LRRC4C: variants seen among roughly 807,000 people sequenced by gnomAD.
The protein encoded by LRRC4C is leucine-rich repeat-containing protein 4C.
In LRRC4C, 5 loss-of-function variants were observed where a neutral mutation model predicts 33.6. The ratio of observed to expected loss-of-function variants is 0.15; its 90% CI spans 0.08 to 0.31. LRRC4C has a LOEUF of 0.31. LRRC4C is among the 10% of genes least tolerant of loss of function. LRRC4C has a pLI of 1.00. For missense variants in LRRC4C, 560 were observed against 796.7 expected, an observed-to-expected ratio of 0.70 and a Z score of 3.58; for synonymous variants, 329 against 302.0, an observed-to-expected ratio of 1.09 and a Z score of -0.93.
At chr11:41,316,589 A>G (rs1283746846) in intron 1 of LRRC4C, among the ~76,000 whole-genome samples, 1 of 152,184 alleles carries the variant, frequency 6.6e-6, no homozygotes, top group Non-Finnish European at 1.5e-5. Flanking sequence ...TGAATTAAGG[A>G]TCTACGTTCT....
rs370574515 is a variant in LRRC4C at position 41,411,142 on chromosome 11, A to ATTTTTTTTTTTTTTTTT, written c.-496+48272_-496+48288dup. Among the ~76,000 whole-genome samples, 174 of 57,220 alleles carry ATTTTTTTTTTTTTTTTT rather than the reference A, an allele frequency of 3.0e-3. 46 individuals are homozygous for ATTTTTTTTTTTTTTTTT. Among genetic ancestry groups the ATTTTTTTTTTTTTTTTT allele is most frequent in the African/African-American group, 0.013 (111 of 8,600 alleles). The allele number at this position is 57,220 out of a possible 152,430, so 37.5% of individuals were successfully genotyped here. On this transcript the variant is annotated intron_variant, in intron 1 of 6. Coordinates refer to ENST00000528697, the MANE Select transcript of LRRC4C (RefSeq NM_001258419.2). ...ATGAGAAACACTTGGTTGGTACCCTATTTTTTTTTTTTTTTTTTTTTTTTG... is the reference window on the plus strand; with the variant it reads ...ATGAGAAACACTTGGTTGGTACCCTATTTTTTTTTTTTTTTTTTTTTTTTTTTTTTTTTTTTTTTTTG...
chr11:40,853,474 C>T (rs1953613137), intron 2 of LRRC4C, among the ~76,000 whole-genome samples: 1 of 149,506 alleles, frequency 6.7e-6, no homozygotes, highest in Non-Finnish European at 1.5e-5. Flanking sequence ...TATAAATTAA[C>T]TATAAAATAG....
intron 3 of LRRC4C, among the ~76,000 whole-genome samples, chr11:40,388,194 G>A (rs1384884986): frequency 6.6e-6 from 1 of 152,012 alleles, no homozygotes; most frequent in African/African-American, 2.4e-5. Context: ...TTATAAAAAG[G>A]GGCAAAAAGA....
At chr11:40,242,575 G>A (rs10768590) in intron 4 of LRRC4C, among the ~76,000 whole-genome samples, 116,185 of 151,798 alleles carry the variant, frequency 0.77, 48,703 homozygotes, top group East Asian at 0.95. Flanking sequence ...TGTAAAAGTG[G>A]GTACTGCCAA....
At chr11:41,088,252 G>A (rs955777712) in intron 1 of LRRC4C, among the ~76,000 whole-genome samples, 11 of 152,096 alleles carry the variant, frequency 7.2e-5, no homozygotes, top group African/African-American at 2.2e-4. Flanking sequence ...ATCCAGGTCT[G>A]AGTCTAAAGC....
chr11:40,667,109 A>C (rs1253522611), intron 2 of LRRC4C, among the ~76,000 whole-genome samples: 1 of 152,206 alleles, frequency 6.6e-6, no homozygotes, highest in Non-Finnish European at 1.5e-5. Context: ...AGAAATTAAT[A>C]TTTTGCAAAC....
At chr11:40,259,413 T>A (rs2136240688) in intron 4 of LRRC4C, among the ~76,000 whole-genome samples, 1 of 152,258 alleles carries the variant, frequency 6.6e-6, no homozygotes, top group Non-Finnish European at 1.5e-5. Context: ...CTCTTTAGTT[T>A]AATTAGATCC....
At position 40,748,354 on chromosome 11, in the gene LRRC4C, G is replaced by A. The variant is rs533477091; in HGVS notation, c.-406-100076C>T. ...AGGAGAAATAGCCTTTCTTAGATAA[G>A]CAAAAGCTTAGGGAATTCATCTCCA... On this transcript the variant is annotated intron_variant, in intron 2 of 6. Coordinates refer to ENST00000528697, the MANE Select transcript of LRRC4C (RefSeq NM_001258419.2). 2.0e-5 allele frequency among the ~76,000 whole-genome samples: 3 copies of A among 152,214 alleles called. No individual in the cohort carries two copies. In the South Asian group the frequency reaches 6.2e-4, roughly 32 times the overall value.
intron 1 of LRRC4C, among the ~76,000 whole-genome samples, chr11:41,119,518 G>C (rs983908314): frequency 1.3e-5 from 2 of 152,144 alleles, no homozygotes; most frequent in African/African-American, 4.8e-5. Flanking sequence ...CATTTTTGCT[G>C]TTCTGTTTTA....
chr11:40,826,803 G>C (rs1272447716), intron 2 of LRRC4C, among the ~76,000 whole-genome samples: 1 of 151,878 alleles, frequency 6.6e-6, no homozygotes, highest in African/African-American at 2.4e-5. Context: ...ATTTTCACTG[G>C]AAGGATTTCA....
chr11:40,115,582 G>A lies in LRRC4C; in HGVS notation c.711C>T (p.Gly237=). The A allele has an allele frequency of 5.0e-6, 8 of 1,614,174 alleles. No individual in the cohort carries two copies. The highest frequency in any genetic ancestry group is 6.8e-6 in the Non-Finnish European group (8 of 1,180,022). The change falls in exon 7 of 7, where the codon GGC becomes GGT. Residue 237 remains glycine, a synonymous_variant. Transcript: ENST00000528697. The surrounding 1 kb of genome is among the most constrained non-coding windows in gnomAD (Gnocchi z 6.7). ...SGNHLSAIRP[G]SFQGLMHLQK... is the part of the protein sequence containing the mutation. The stretch of plus-strand genomic sequence containing the variant: ...GAAGGTGCATCAAACCCTGGAAAGA[G>A]CCAGGCCTGATGGCAGATAAATGAT...
intron 2 of LRRC4C, among the ~76,000 whole-genome samples, chr11:40,885,091 T>C (rs534274275): frequency 6.6e-6 from 1 of 152,070 alleles, no homozygotes; most frequent in Non-Finnish European, 1.5e-5. Context: ...ATGCATTGTA[T>C]CCTTGTTAAC....
intron 3 of LRRC4C, among the ~76,000 whole-genome samples, chr11:40,326,345 C>T (rs569919040): frequency 2.0e-5 from 3 of 151,886 alleles, no homozygotes; most frequent in South Asian, 2.1e-4. Context: ...GGGTGGATCA[C>T]GAGGTCAGAA....
rs142542206 is a variant in LRRC4C at position 40,180,605 on chromosome 11, A to G, written c.-95-39752T>C. On this transcript the variant is annotated intron_variant, in intron 5 of 6. Coordinates refer to ENST00000528697, the MANE Select transcript of LRRC4C (RefSeq NM_001258419.2). ...TGGAATATGGCTAGCCCCCAATTTTATCACATCTCTCTGTTGGTTTCCTCT... is the reference window on the plus strand; with the variant it reads ...TGGAATATGGCTAGCCCCCAATTTTGTCACATCTCTCTGTTGGTTTCCTCT... Among the ~76,000 whole-genome samples the G allele has an allele frequency of 1.2e-4, 18 of 152,286 alleles. No homozygotes were observed. The East Asian group carries it at 3.1e-3, about 26-fold the overall frequency.
intron 3 of LRRC4C, among the ~76,000 whole-genome samples, chr11:40,545,683 G>A (rs1344415108): frequency 6.6e-6 from 1 of 151,952 alleles, no homozygotes; most frequent in African/African-American, 2.4e-5. Context: ...AGTTCACCTT[G>A]CGCTTTAACC....
intron 2 of LRRC4C, among the ~76,000 whole-genome samples, chr11:40,825,992 G>T (rs1001860047): frequency 6.7e-6 from 1 of 149,964 alleles, no homozygotes; most frequent in African/African-American, 2.4e-5. Context: ...ATAAAGTGAG[G>T]AAATTGCAGG....
chr11:40,818,090 C>A (rs1283149178), intron 2 of LRRC4C, among the ~76,000 whole-genome samples: 1 of 152,082 alleles, frequency 6.6e-6, no homozygotes, highest in Non-Finnish European at 1.5e-5. Context: ...CAATGCCTGA[C>A]TTATAAAAAC....
chr11:41,026,678 A>G (rs1357546562), intron 1 of LRRC4C, among the ~76,000 whole-genome samples: 1 of 151,252 alleles, frequency 6.6e-6, no homozygotes, highest in Non-Finnish European at 1.5e-5. Context: ...AGATACCCCA[A>G]CCTTCAGCAA....
chr11:41,130,279 T>C (rs917138538), intron 1 of LRRC4C, among the ~76,000 whole-genome samples: 1 of 152,008 alleles, frequency 6.6e-6, no homozygotes, highest in Non-Finnish European at 1.5e-5. Context: ...AGTATCCATT[T>C]CTGTCCTCAT....
Sources: allele counts gnomAD v4.1 joint callset (sites outside exome capture counted in the v4.1 genomes callset), GRCh38; gene constraint gnomAD v4.1.1; non-coding constraint Gnocchi (gnomAD v3.1); transcripts MANE v1.5; gene names NCBI Gene and HGNC (gene_info 2026-07-23, HGNC 2026-07-21).